LRRC7: variants seen among roughly 807,000 people sequenced by gnomAD.
LRRC7 encodes leucine rich repeat containing 7, also known as leucine-rich repeat-containing protein 7.
Under a neutral mutation model 175.7 loss-of-function variants are expected in LRRC7, and 23 were observed. The ratio of observed to expected loss-of-function variants is 0.13; its 90% confidence interval spans 0.09 to 0.19. The LOEUF is 0.19. Among genes scored for constraint, LRRC7 ranks in the 10% least tolerant of loss-of-function variants. LRRC7 has a pLI of 1.00. For missense variants in LRRC7, 1,354 were observed against 1,904.7 expected, an observed-to-expected ratio of 0.71 and a Z score of 5.38; for synonymous variants, 685 against 680.9, an observed-to-expected ratio of 1.01 and a Z score of -0.09.
rs552506241 is a variant in LRRC7, at chr1:69,570,095, A to G, written c.2+1454A>G. On this transcript the variant is annotated intron_variant, in intron 1 of 26. Coordinates refer to ENST00000651989, the MANE Select transcript of LRRC7 (RefSeq NM_001370785.2). ...CGAAATGTGGCTCTCCTGGTGGATG[A>G]AAAGCAATTTTTTGTGAGCATATTC... Among the ~76,000 whole-genome samples the G allele has an allele frequency of 2.0e-5, 3 of 152,190 alleles. No individual in the cohort carries two copies. In the South Asian group the frequency reaches 6.2e-4, roughly 32 times the overall value.
At chr1:69,665,466 C>A (rs1465905061) in intron 1 of LRRC7, among the ~76,000 whole-genome samples, 3 of 151,976 alleles carry the variant, frequency 2.0e-5, no homozygotes, top group African/African-American at 7.2e-5. Context: ...CATGGAATAT[C>A]TTTCATTTTT....
chr1:70,036,648 T>C, intron 20 of LRRC7, 24 bp downstream of exon 20: 3 of 1,573,708 alleles, frequency 1.9e-6, no homozygotes, highest in Non-Finnish European at 2.6e-6. Context: ...TCCCTCCTTT[T>C]GTTCCCAAAC....
chr1:69,844,566 T>A (rs1682121925), intron 7 of LRRC7, among the ~76,000 whole-genome samples: 1 of 152,172 alleles, frequency 6.6e-6, no homozygotes, highest in South Asian at 2.1e-4. Context: ...CATACCACAT[T>A]GTCTTTATTC....
chr1:69,760,498 T>C (rs552356099), intron 3 of LRRC7, 105 bp downstream of exon 3: 1 of 900,194 alleles, frequency 1.1e-6, no homozygotes, highest in African/African-American at 1.7e-5. Flanking sequence ...TCTAGGTAAC[T>C]GACAAGTCAT....
chr1:69,725,469 C>T (rs1441763091), intron 2 of LRRC7, among the ~76,000 whole-genome samples: 1 of 152,018 alleles, frequency 6.6e-6, no homozygotes, highest in East Asian at 1.9e-4. Flanking sequence ...ATAATATTGT[C>T]CATGAAGAAT....
intron 7 of LRRC7, among the ~76,000 whole-genome samples, chr1:69,905,969 A>G (rs1289472334): frequency 2.6e-5 from 4 of 152,240 alleles, no homozygotes; most frequent in African/African-American, 9.6e-5. Flanking sequence ...GTGAGATGGT[A>G]TCTCATTGTG....
intron 1 of LRRC7, among the ~76,000 whole-genome samples, chr1:69,627,528 T>A (rs1651795771): frequency 6.6e-6 from 1 of 152,180 alleles, no homozygotes; most frequent in East Asian, 1.9e-4. Flanking sequence ...GTAGGTTGCC[T>A]GTTCAATCTG....
intron 3 of LRRC7, among the ~76,000 whole-genome samples, chr1:69,787,996 C>T (rs1229158231): frequency 6.6e-6 from 1 of 151,728 alleles, no homozygotes; most frequent in African/African-American, 2.4e-5. Flanking sequence ...TCCTTCCTTC[C>T]TCCCTTCCTT....
chr1:69,788,936 A>G (rs1674802681), intron 3 of LRRC7, among the ~76,000 whole-genome samples: 1 of 152,202 alleles, frequency 6.6e-6, no homozygotes, highest in Non-Finnish European at 1.5e-5. Context: ...GGGCTCAAGT[A>G]TAGTTGTTTC....
chr1:69,743,639 A>C (rs1668952798), intron 2 of LRRC7, among the ~76,000 whole-genome samples: 1 of 152,018 alleles, frequency 6.6e-6, no homozygotes, highest in South Asian at 2.1e-4. Flanking sequence ...TATAGAGTAG[A>C]TGATGCTTCC....
rs151246769 is a variant in LRRC7 at position 69,983,782 on chromosome 1, C to T, written c.787-2460C>T. On this transcript the variant is annotated intron_variant, in intron 9 of 26. Transcript: ENST00000651989. Reference sequence around the variant, plus strand: ...TTTCTTTCCTGTCTCTTCCTTTCTACTGGTGTTGATCCTAAACACTCTCAA... The same window carrying T: ...TTTCTTTCCTGTCTCTTCCTTTCTATTGGTGTTGATCCTAAACACTCTCAA... Among the ~76,000 whole-genome samples the T allele has an allele frequency of 1.9e-3, 288 of 152,338 alleles. 4 individuals are homozygous for T. The highest frequency in any genetic ancestry group is 0.017 in the East Asian group (87 of 5,188).
intron 1 of LRRC7, among the ~76,000 whole-genome samples, chr1:69,673,658 T>C (rs1659406041): frequency 6.6e-6 from 1 of 152,208 alleles, no homozygotes; most frequent in African/African-American, 2.4e-5. Flanking sequence ...CTTGAGAAGA[T>C]GCAAGTTTCA....
intron 7 of LRRC7, among the ~76,000 whole-genome samples, chr1:69,855,640 G>T (rs201324712): frequency 1.1e-3 from 165 of 149,672 alleles, no homozygotes; most frequent in South Asian, 2.6e-3. Flanking sequence ...TGTCTATTAG[G>T]TCTGCTTGGT....
At chr1:69,938,763 T>C (rs1439848392) in intron 8 of LRRC7, among the ~76,000 whole-genome samples, 1 of 151,792 alleles carries the variant, frequency 6.6e-6, no homozygotes, top group Non-Finnish European at 1.5e-5. Flanking sequence ...GCAAGCACTA[T>C]ATTTACATAG....
At chr1:69,735,246 A>C (rs745490786) in intron 2 of LRRC7, among the ~76,000 whole-genome samples, 13 of 152,076 alleles carry the variant, frequency 8.5e-5, no homozygotes, top group Non-Finnish European at 1.6e-4. Flanking sequence ...GTGGTCCCAC[A>C]AATGTGTTTT....
At chr1:69,583,664 C>T (rs1032117371) in intron 1 of LRRC7, among the ~76,000 whole-genome samples, 1 of 152,018 alleles carries the variant, frequency 6.6e-6, no homozygotes, top group African/African-American at 2.4e-5. Context: ...AACAACTTAC[C>T]CCCAATTGGG....
chr1:70,063,093 C>T (rs1195048789), intron 23 of LRRC7, among the ~76,000 whole-genome samples: 2 of 152,074 alleles, frequency 1.3e-5, no homozygotes, highest in Non-Finnish European at 2.9e-5. Context: ...ACATCACTGT[C>T]ACAAAATCGG....
At chr1:69,983,032 T>C (rs1259231896) in intron 9 of LRRC7, among the ~76,000 whole-genome samples, 2 of 152,196 alleles carry the variant, frequency 1.3e-5, no homozygotes, top group African/African-American at 2.4e-5. Context: ...TCTCATGATA[T>C]CTCATGATAA....
intron 7 of LRRC7, among the ~76,000 whole-genome samples, chr1:69,844,646 C>CG (rs2101408950): frequency 6.6e-6 from 1 of 152,132 alleles, no homozygotes; most frequent in African/African-American, 2.4e-5. Flanking sequence ...GCAATGAACA[C>CG]GGGAGTGCAG....
Sources: allele counts gnomAD v4.1 joint callset (sites outside exome capture counted in the v4.1 genomes callset), GRCh38; gene constraint gnomAD v4.1.1; transcripts MANE v1.5; gene names NCBI Gene and HGNC (gene_info 2026-07-23, HGNC 2026-07-21).